Variants in NARS2 observed in about 807,000 individuals in gnomAD.
NARS2 encodes the protein asparaginyl-tRNA synthetase.
Under a neutral mutation model 62.9 loss-of-function variants are expected in NARS2, and 60 were observed. That is an observed-to-expected ratio of 0.95 (90% confidence interval 0.77 to 1.18). NARS2 has a LOEUF of 1.18. NARS2 is among the 50% of genes most tolerant of loss of function. The pLI is 0.00. For missense variants in NARS2, 619 were observed against 576.4 expected (o/e 1.07, Z -0.76); for synonymous variants, 196 against 200.0 (o/e 0.98, Z 0.17).
intron 10 of NARS2, among the ~76,000 whole-genome samples, chr11:78,466,312 CA>C (rs1464559549): frequency 8.5e-6 from 1 of 117,858 alleles, no homozygotes; most frequent in Non-Finnish European, 1.6e-5. Context: ...TGCAGGAAAA[CA>C]AAGTCTACTT....
chr11:78,524,116 G>C (rs997759689), intron 6 of NARS2, among the ~76,000 whole-genome samples: 1 of 151,958 alleles, frequency 6.6e-6, no homozygotes, highest in African/African-American at 2.4e-5. Flanking sequence ...TTAACTACAA[G>C]ATGGCTTTAA....
At chr11:78,455,381 A>C (rs1310747747) in intron 11 of NARS2, among the ~76,000 whole-genome samples, 3 of 152,178 alleles carry the variant, frequency 2.0e-5, no homozygotes, top group Non-Finnish European at 4.4e-5. Flanking sequence ...TTCCCTTTTA[A>C]AGTAAACTTA....
intron 3 of NARS2, 43 bp downstream of exon 3, chr11:78,568,589 A>T (rs765069957): frequency 5.0e-6 from 8 of 1,587,328 alleles, no homozygotes; most frequent in Non-Finnish European, 6.9e-6. Flanking sequence ...TGCTGTCTTA[A>T]TTAAAGCCTA....
intron 6 of NARS2, among the ~76,000 whole-genome samples, chr11:78,523,909 T>C (rs1284128071): frequency 1.3e-5 from 2 of 152,148 alleles, no homozygotes; most frequent in Admixed American, 1.3e-4. Flanking sequence ...TATTCTAAAA[T>C]TATGTCAGTG....
intron 7 of NARS2, among the ~76,000 whole-genome samples, chr11:78,487,715 C>T (rs1370984075): frequency 6.6e-6 from 1 of 151,996 alleles, no homozygotes; most frequent in Non-Finnish European, 1.5e-5. Context: ...AGAAAAATGA[C>T]CCTTTACATT....
intron 5 of NARS2, among the ~76,000 whole-genome samples, chr11:78,537,155 G>C (rs915776156): frequency 6.6e-6 from 1 of 152,190 alleles, no homozygotes; most frequent in Non-Finnish European, 1.5e-5. Context: ...GCATTTCTCA[G>C]AAAGTATCTC....
At chr11:78,509,977 A>G (rs183564650) in intron 6 of NARS2, among the ~76,000 whole-genome samples, 2 of 152,166 alleles carry the variant, frequency 1.3e-5, no homozygotes, top group Admixed American at 1.3e-4. Context: ...GAAAATAGCT[A>G]TAGAATATAT....
At chr11:78,440,122 G>A (rs994669045) in intron 13 of NARS2, among the ~76,000 whole-genome samples, 34 of 152,158 alleles carry the variant, frequency 2.2e-4, no homozygotes, top group African/African-American at 8.0e-4. Flanking sequence ...GGAGCGCAGT[G>A]GCACGATCTT....
At chr11:78,495,843 TC>T (rs1306483714) in intron 6 of NARS2, among the ~76,000 whole-genome samples, 1 of 152,158 alleles carries the variant, frequency 6.6e-6, no homozygotes, top group African/African-American at 2.4e-5. Context: ...GTACAGTACA[TC>T]TAAATAAGTA....
intron 6 of NARS2, among the ~76,000 whole-genome samples, chr11:78,503,596 A>G (rs927110773): frequency 4.6e-5 from 7 of 152,210 alleles, no homozygotes; most frequent in Non-Finnish European, 1.0e-4. Flanking sequence ...GATAATTGAT[A>G]CGAAAGGTAG....
Position 78,568,697 on chromosome 11 carries a change from A to T in NARS2, c.307T>A (p.Ser103Thr). Residue 103 changes from serine to threonine, a missense_variant, in exon 3 of 14, where the codon TCC becomes ACC. By Grantham distance (58) the Ser-to-Thr change is moderately conservative. Transcript: ENST00000281038. Reference protein sequence around the residue: ...EVQGQLIKSPSKRQNVELKAE... With the variant: ...EVQGQLIKSPTKRQNVELKAE... The stretch of plus-strand genomic sequence containing the variant: ...TTCAGTTCCACATTTTGCCTTTTGG[A>T]TGGACTTTTTATCAGCTGCCCTTGT... The T allele has an allele frequency of 6.2e-7, 1 of 1,613,298 alleles. No individual in the cohort carries two copies. Among genetic ancestry groups the T allele is most frequent in the Non-Finnish European group, 8.5e-7 (1 of 1,179,492 alleles).
chr11:78,451,558 G>A (rs1189151001), intron 11 of NARS2, among the ~76,000 whole-genome samples: 6 of 152,184 alleles, frequency 3.9e-5, no homozygotes, highest in Non-Finnish European at 5.9e-5. Flanking sequence ...TTGCCTTTAT[G>A]GGCAGGCAGG....
At chr11:78,561,823 G>A (rs1856565290) in intron 4 of NARS2, among the ~76,000 whole-genome samples, 1 of 152,164 alleles carries the variant, frequency 6.6e-6, no homozygotes, top group Non-Finnish European at 1.5e-5. Context: ...ACTTTGGGAG[G>A]CTGAGGCGGG....
chr11:78,509,579 G>GT (rs1230611246), intron 6 of NARS2, among the ~76,000 whole-genome samples: 1 of 152,028 alleles, frequency 6.6e-6, no homozygotes, highest in African/African-American at 2.4e-5. Flanking sequence ...AATTTTGGTT[G>GT]TAAATCCACA....
chr11:78,505,935 A>G (rs1186125088), intron 6 of NARS2, among the ~76,000 whole-genome samples: 1 of 152,184 alleles, frequency 6.6e-6, no homozygotes, highest in Non-Finnish European at 1.5e-5. Context: ...AGACTGGGGA[A>G]AAAAAGTACA....
chr11:78,478,096 GT>G (rs1232443220), intron 9 of NARS2, among the ~76,000 whole-genome samples: 2 of 152,066 alleles, frequency 1.3e-5, no homozygotes, highest in Non-Finnish European at 1.5e-5. Context: ...GGTTTTTACA[GT>G]TTTTTAAATC....
intron 5 of NARS2, among the ~76,000 whole-genome samples, chr11:78,534,749 A>T (rs904638515): frequency 6.6e-6 from 1 of 152,166 alleles, no homozygotes; most frequent in African/African-American, 2.4e-5. Context: ...AATAGCAGTT[A>T]CTCAGTAAAT....
intron 9 of NARS2, among the ~76,000 whole-genome samples, chr11:78,470,322 AT>A (rs1425443143): frequency 2.0e-5 from 3 of 152,252 alleles, no homozygotes; most frequent in African/African-American, 7.2e-5. Context: ...TTTAAAAAAA[AT>A]CAAGATGTAT....
At chr11:78,523,282 CATTT>C (rs1418810688) in intron 6 of NARS2, among the ~76,000 whole-genome samples, 2 of 150,380 alleles carry the variant, frequency 1.3e-5, no homozygotes, top group African/African-American at 2.5e-5. Flanking sequence ...TACTACTTTA[CATTT>C]GTCAGAACAG....
Sources: allele counts gnomAD v4.1 joint callset (sites outside exome capture counted in the v4.1 genomes callset), GRCh38; gene constraint gnomAD v4.1.1; transcripts MANE v1.5; gene names NCBI Gene and HGNC (gene_info 2026-07-23, HGNC 2026-07-21).